ZNF609: variants seen among roughly 807,000 people sequenced by gnomAD.
The protein encoded by ZNF609 is zinc finger protein 609.
Under a neutral mutation model 109.5 loss-of-function variants are expected in ZNF609, and 11 were observed. The ratio of observed to expected loss-of-function variants is 0.10; its 90% CI spans 0.06 to 0.17. The LOEUF (loss-of-function observed/expected upper bound fraction) is 0.17, where lower values mean the gene tolerates loss of function less well. ZNF609 is among the 10% of genes least tolerant of loss of function. The pLI, the probability that ZNF609 is intolerant of heterozygous loss-of-function variation, is 1.00. For synonymous variants in ZNF609, 646 were observed against 662.0 expected (o/e 0.98, Z 0.37); for missense variants, 1,559 against 1,772.4 (o/e 0.88, Z 2.16).
intron 3 of ZNF609, among the ~76,000 whole-genome samples, chr15:64,649,702 C>T (rs1205584358): frequency 1.3e-5 from 2 of 152,034 alleles, no homozygotes; most frequent in Non-Finnish European, 2.9e-5. Flanking sequence ...TCTAATAAAG[C>T]ATCATTTTTG....
chr15:64,476,382 T>C (rs560466460), intron 1 of ZNF609, among the ~76,000 whole-genome samples: 1 of 151,682 alleles, frequency 6.6e-6, no homozygotes, highest in African/African-American at 2.4e-5. Flanking sequence ...TAATATATGA[T>C]ATGGGGAAAA....
chr15:64,479,422 G>A (rs1208116868), intron 1 of ZNF609, among the ~76,000 whole-genome samples: 1 of 149,846 alleles, frequency 6.7e-6, no homozygotes, highest in Admixed American at 6.8e-5. Context: ...CTGCCAAGTA[G>A]CTGAGACTAC....
chr15:64,607,870 TC>T (rs1567027761), intron 2 of ZNF609, among the ~76,000 whole-genome samples: 3 of 38,762 alleles, frequency 7.7e-5, no homozygotes, highest in Non-Finnish European at 2.2e-4. Context: ...TTTCTTTCTT[TC>T]TTTCTTTCTT....
intron 2 of ZNF609, among the ~76,000 whole-genome samples, chr15:64,540,269 G>A (rs1274015970): frequency 6.6e-6 from 1 of 152,208 alleles, no homozygotes; most frequent in Non-Finnish European, 1.5e-5. Flanking sequence ...CTGGTCAAAA[G>A]AGGAAACTCA....
At chr15:64,610,518 G>A (rs993556979) in intron 2 of ZNF609, among the ~76,000 whole-genome samples, 23 of 152,102 alleles carry the variant, frequency 1.5e-4, no homozygotes, top group African/African-American at 5.6e-4. Flanking sequence ...GTGCAGTGGT[G>A]TGTGCCTGTA....
chr15:64,660,714 C>T (rs1023245750), intron 3 of ZNF609, among the ~76,000 whole-genome samples: 15 of 152,160 alleles, frequency 9.9e-5, no homozygotes, highest in Admixed American at 7.2e-4. Context: ...TTTGCTCTTC[C>T]GAACGTGCCA....
intron 1 of ZNF609, among the ~76,000 whole-genome samples, chr15:64,481,051 A>AT (rs933511826): frequency 1.3e-5 from 2 of 152,230 alleles, no homozygotes; most frequent in African/African-American, 4.8e-5. Context: ...TTATACCGTG[A>AT]TTAAGTTCAG....
intron 1 of ZNF609, among the ~76,000 whole-genome samples, chr15:64,473,805 T>C (rs141930412): frequency 3.3e-5 from 5 of 152,044 alleles, no homozygotes; most frequent in Non-Finnish European, 7.4e-5. Context: ...AGTCTCAGTC[T>C]GTCGCCCACA....
intron 2 of ZNF609, among the ~76,000 whole-genome samples, chr15:64,515,863 G>C (rs1419152055): frequency 6.6e-6 from 1 of 151,946 alleles, no homozygotes; most frequent in African/African-American, 2.4e-5. Flanking sequence ...GCTCGAACCT[G>C]GGAGGCGGGG....
At chr15:64,681,001 T>A in intron 8 of ZNF609, 139 bp downstream of exon 8, 1 of 939,060 alleles carries the variant, frequency 1.1e-6, no homozygotes, top group Non-Finnish European at 1.6e-6. Context: ...TTTGAGCTTC[T>A]AATCTGTGCA....
At chr15:64,527,642 T>G (rs947738291) in intron 2 of ZNF609, among the ~76,000 whole-genome samples, 2 of 152,176 alleles carry the variant, frequency 1.3e-5, no homozygotes, top group African/African-American at 4.8e-5. Flanking sequence ...AATCATAATT[T>G]GTCCCTAAAG....
In ZNF609 at chr15:64,676,236, C is replaced by T. The variant is rs752644536; in HGVS notation, c.3382C>T (p.Pro1128Ser). 9 of 1,611,066 alleles carry T rather than the reference C, an allele frequency of 5.6e-6. No individual in the cohort carries two copies. The South Asian group carries it at 9.9e-5, about 18-fold the overall frequency. Residue 1128 changes from proline (P) to serine (S), a missense_variant, in exon 5 of 10, where the codon CCA becomes TCA. Around this residue, in one of 4 missense-constraint regions of ZNF609, gnomAD observed 1,204 missense variants for 1,314.1 expected, o/e 0.92. Transcript: ENST00000326648. ...GTGTGGTCGACAGGCAGAGATGGATCCAATACTCTGGTACCGACAGGTAAC... is the reference window on the plus strand; with the variant it reads ...GTGTGGTCGACAGGCAGAGATGGATTCAATACTCTGGTACCGACAGGTAAC... ...AECGRQAEMD[P>S]ILWYRQEAEP...
chr15:64,595,369 A>T (rs2140942489), intron 2 of ZNF609, among the ~76,000 whole-genome samples: 1 of 151,994 alleles, frequency 6.6e-6, no homozygotes, highest in Non-Finnish European at 1.5e-5. Context: ...TCAAAAAAAA[A>T]AAAAAAAAAA....
rs754788062 is a variant in ZNF609 at position 64,494,528 on chromosome 15, A to G, written c.-127-4765A>G. 1.3e-4 allele frequency among the ~76,000 whole-genome samples: 20 copies of G among 151,882 alleles called. 1 individual carries two copies. Among genetic ancestry groups the G allele is most frequent in the Non-Finnish European group, 2.6e-4 (18 of 67,974 alleles). ...CACACTGCACACATCATATACATAT[A>G]TATATGTTTTTGTTTTTGTTTTTTC... On this transcript the variant is annotated intron_variant, in intron 1 of 9. Coordinates refer to ENST00000326648, the MANE Select transcript of ZNF609 (RefSeq NM_015042.2).
intron 2 of ZNF609, among the ~76,000 whole-genome samples, chr15:64,540,077 GTTT>G (rs1595711857): frequency 6.6e-6 from 1 of 152,182 alleles, no homozygotes; most frequent in East Asian, 1.9e-4. Context: ...CTGGCCAAGA[GTTT>G]TATTACTAGC....
intron 3 of ZNF609, among the ~76,000 whole-genome samples, chr15:64,663,113 C>A (rs1194886202): frequency 6.6e-6 from 1 of 152,084 alleles, no homozygotes; most frequent in Admixed American, 6.6e-5. Context: ...TTAACAGGAT[C>A]TCTCTGGTCT....
rs1187369937 is a variant in ZNF609, at chr15:64,577,600, A to T, written c.748-45227A>T. ...ATATATGTGTATATATACACATATA[A>T]ATATATACATATATATGTGTATATA... is the stretch of plus-strand genomic sequence containing the variant. On this transcript the variant is annotated intron_variant, in intron 2 of 9. Transcript: ENST00000326648. 1.1e-3 allele frequency among the ~76,000 whole-genome samples: 14 copies of T among 12,212 alleles called. 1 individual carries two copies. The East Asian group carries it at 0.029, about 25-fold the overall frequency. The allele number at this position is 12,212 out of a possible 152,430, so 8.0% of individuals were successfully genotyped here. A position where few individuals can be genotyped will look rare whatever the true frequency, so the allele number is the denominator to read the frequency against.
At chr15:64,606,206 TG>T (rs1895596637) in intron 2 of ZNF609, among the ~76,000 whole-genome samples, 1 of 150,146 alleles carries the variant, frequency 6.7e-6, no homozygotes, top group South Asian at 2.2e-4. Flanking sequence ...CTCAACCTCC[TG>T]GGCTCAAGCA....
chr15:64,623,159 G>A (rs1450924052), intron 3 of ZNF609, 107 bp downstream of exon 3: 1 of 1,157,506 alleles, frequency 8.6e-7, no homozygotes, highest in African/African-American at 1.5e-5. Flanking sequence ...AGAGTCTCAA[G>A]TGTCCACAGT....
Sources: gnomAD v4.1 joint callset for allele counts (sites outside exome capture counted in the v4.1 genomes callset) on GRCh38, gnomAD v4.1.1 for gene constraint, gnomAD v4.1.1 regional missense constraint, MANE v1.5 for transcripts, NCBI Gene and HGNC (gene_info 2026-07-23, HGNC 2026-07-21) for gene names.